Variants in SPHKAP observed in about 807,000 individuals in gnomAD.
SPHKAP encodes SPHK1 interactor, AKAP domain containing.
In SPHKAP, 67 loss-of-function variants were observed where a neutral mutation model predicts 137.5. The observed-to-expected ratio is 0.49, with a 90% CI of 0.40 to 0.60. The LOEUF (loss-of-function observed/expected upper bound fraction) is 0.60. Ranked by LOEUF, SPHKAP falls within the 20% of genes least tolerant of loss-of-function variation. The pLI, the probability that SPHKAP is intolerant of heterozygous loss-of-function variation, is 0.00. For synonymous variants in SPHKAP, 813 were observed against 785.3 expected, an observed-to-expected ratio of 1.04 and a Z score of -0.59; for missense variants, 2,097 against 2,069.3, an observed-to-expected ratio of 1.01 and a Z score of -0.26.
intron 7 of SPHKAP, among the ~76,000 whole-genome samples, chr2:228,012,750 A>C (rs1694437346): frequency 6.6e-6 from 1 of 152,234 alleles, no homozygotes; most frequent in Non-Finnish European, 1.5e-5. Flanking sequence ...AGCAAATATA[A>C]ATGGATACAG....
In SPHKAP at chr2:228,021,800, G is replaced by A. The variant is rs1316923941; in HGVS notation, c.608C>T (p.Thr203Met). Reference sequence around the variant, plus strand: ...CTCGATTGAAGATAAGGAACAGTTCGTGTCATCCTCCAGTTTCAAGATGTT... The same window carrying A: ...CTCGATTGAAGATAAGGAACAGTTCATGTCATCCTCCAGTTTCAAGATGTT... The part of the protein sequence containing the change: ...ETNILKLEDD[T>M]NCSLSSIEED... The change falls in exon 6 of 12, where the codon ACG (threonine) becomes ATG (methionine). Residue 203 changes from threonine to methionine, a missense_variant. Transcript: ENST00000392056. 1.7e-5 allele frequency: 28 copies of A among 1,613,980 alleles called. No individual in the cohort carries two copies. The highest frequency in any genetic ancestry group is 2.7e-5 in the African/African-American group (2 of 74,910).
At chr2:228,164,272 T>C (rs907348371) in intron 1 of SPHKAP, among the ~76,000 whole-genome samples, 1 of 152,156 alleles carries the variant, frequency 6.6e-6, no homozygotes, top group African/African-American at 2.4e-5. Context: ...CACTGTTGGC[T>C]TCCCTGGTCT....
In SPHKAP at chr2:228,002,864, G is replaced by C. The variant is rs182505118; in HGVS notation, c.4449-7170C>G. 1.7e-3 allele frequency among the ~76,000 whole-genome samples: 265 copies of C among 152,322 alleles called. 1 individual carries two copies. The highest frequency in any genetic ancestry group is 6.0e-3 in the African/African-American group (248 of 41,568). On this transcript the variant is annotated intron_variant, in intron 7 of 11. Transcript: ENST00000392056. ...TCTTGTTTTCATCAGGTTTGTTAAA[G>C]ATCAGATGGTTGTAGATGTGTGGTA...
chr2:228,010,827 A>C (rs913015695), intron 7 of SPHKAP, among the ~76,000 whole-genome samples: 1 of 152,166 alleles, frequency 6.6e-6, no homozygotes, highest in Non-Finnish European at 1.5e-5. Flanking sequence ...CAAATATTAA[A>C]CATAAGTACT....
intron 1 of SPHKAP, among the ~76,000 whole-genome samples, chr2:228,172,183 T>G (rs192094156): frequency 5.1e-4 from 78 of 152,250 alleles, no homozygotes; most frequent in South Asian, 8.3e-4. Context: ...AAAATGATAA[T>G]GTAGCACCGT....
chr2:228,019,374 T>C lies in SPHKAP; in HGVS notation c.1480A>G (p.Ser494Gly). The C allele has an allele frequency of 6.2e-7, 1 of 1,614,142 alleles. No individual in the cohort carries two copies. Among genetic ancestry groups the C allele is most frequent in the Non-Finnish European group, 8.5e-7 (1 of 1,180,014 alleles). ...SGENSSRQPQ[S>G]ALEVALACAA... The stretch of plus-strand genomic sequence containing the variant: ...CAAGCTAACGCCACTTCTAGAGCAC[T>C]CTGGGGTTGTCTGCTGGAGTTCTCT... Residue 494 changes from serine (S) to glycine (G), a missense_variant, in exon 7 of 12, where the codon AGT becomes GGT. Ser to Gly is a moderately conservative substitution (Grantham distance 56). Transcript: ENST00000392056.
chr2:228,083,128 C>G (rs1225103918), intron 3 of SPHKAP, among the ~76,000 whole-genome samples: 1 of 152,128 alleles, frequency 6.6e-6, no homozygotes, highest in Admixed American at 6.6e-5. Flanking sequence ...AACCTCTCAA[C>G]CCAAGAAAGC....
chr2:228,157,758 A>T (rs1700148904), intron 1 of SPHKAP, among the ~76,000 whole-genome samples: 1 of 152,180 alleles, frequency 6.6e-6, no homozygotes, highest in Admixed American at 6.5e-5. Flanking sequence ...GTTGCAGGAA[A>T]TGCCTTCATT....
intron 2 of SPHKAP, among the ~76,000 whole-genome samples, chr2:228,114,154 G>A (rs1368205317): frequency 6.6e-6 from 1 of 152,114 alleles, no homozygotes; most frequent in African/African-American, 2.4e-5. Flanking sequence ...ACTTATTTTA[G>A]ATGAAGAGCT....
intron 3 of SPHKAP, among the ~76,000 whole-genome samples, chr2:228,054,351 C>T (rs1025921574): frequency 2.0e-4 from 31 of 151,842 alleles, no homozygotes; most frequent in African/African-American, 7.0e-4. Flanking sequence ...ATGTAGATGA[C>T]AATGGAAGAG....
intron 3 of SPHKAP, among the ~76,000 whole-genome samples, chr2:228,092,478 TATAC>T (rs369659118): frequency 0.39 from 11,264 of 28,742 alleles, 1,604 homozygotes; most frequent in African/African-American, 0.47. Flanking sequence ...CATATATATG[TATAC>T]ATATATGTGC....
At chr2:228,131,518 T>A (rs562373623) in intron 2 of SPHKAP, among the ~76,000 whole-genome samples, 1 of 152,032 alleles carries the variant, frequency 6.6e-6, no homozygotes, top group African/African-American at 2.4e-5. Flanking sequence ...CTTAAGTCTA[T>A]GTTCTAGAAA....
At chr2:228,049,934 T>A (rs959720481) in intron 3 of SPHKAP, among the ~76,000 whole-genome samples, 1 of 151,770 alleles carries the variant, frequency 6.6e-6, no homozygotes, top group Non-Finnish European at 1.5e-5. Flanking sequence ...CTTCACAAAC[T>A]CCAACATCCA....
chr2:228,113,192 T>TG (rs1698573349), intron 2 of SPHKAP, among the ~76,000 whole-genome samples: 1 of 152,046 alleles, frequency 6.6e-6, no homozygotes, highest in Admixed American at 6.6e-5. Flanking sequence ...AGATATATTT[T>TG]TCCATAAATT....
At chr2:227,985,096 G>A (rs1348691747) in intron 11 of SPHKAP, among the ~76,000 whole-genome samples, 3 of 152,022 alleles carry the variant, frequency 2.0e-5, no homozygotes, top group Non-Finnish European at 4.4e-5. Context: ...ATCTATTTGG[G>A]GCCTGTGAAG....
chr2:227,993,365 G>A (rs1381527547), intron 9 of SPHKAP, among the ~76,000 whole-genome samples, 169 bp downstream of exon 9: 2 of 152,134 alleles, frequency 1.3e-5, no homozygotes, highest in Non-Finnish European at 2.9e-5. Flanking sequence ...GCAGGTGGTG[G>A]TAGGGCAGGG....
chr2:228,100,667 C>T (rs1030083401), intron 3 of SPHKAP, among the ~76,000 whole-genome samples: 2 of 152,102 alleles, frequency 1.3e-5, no homozygotes, highest in Non-Finnish European at 2.9e-5. Flanking sequence ...TATGTTCCAC[C>T]AGCCCTGCAT....
intron 3 of SPHKAP, among the ~76,000 whole-genome samples, chr2:228,105,275 A>G (rs1003949177): frequency 1.3e-5 from 2 of 152,166 alleles, no homozygotes; most frequent in African/African-American, 4.8e-5. Context: ...GCCTAATTTA[A>G]CTTTTAATTA....
chr2:228,109,637 T>G (rs1698453250), intron 2 of SPHKAP, among the ~76,000 whole-genome samples: 1 of 152,160 alleles, frequency 6.6e-6, no homozygotes, highest in Non-Finnish European at 1.5e-5. Context: ...ATTTTGAAGA[T>G]GAAATATTAT....
Sources: gnomAD v4.1 joint callset for allele counts (sites outside exome capture counted in the v4.1 genomes callset) on GRCh38, gnomAD v4.1.1 for gene constraint, MANE v1.5 for transcripts, NCBI Gene and HGNC (gene_info 2026-07-23, HGNC 2026-07-21) for gene names.